Variants in KANTR observed in about 807,000 individuals in gnomAD.
KANTR encodes KDM5C adjacent transcript.
intron 2 of KANTR, among the ~76,000 whole-genome samples, chrX:53,100,576 G>A (rs1476085952): frequency 9.0e-6 from 1 of 111,445 alleles, no homozygotes; most frequent in African/African-American, 3.3e-5. Flanking sequence ...GAGGCGGGCG[G>A]GTCACAAGGT....
At chrX:53,134,421 A>G (rs1407699804) in intron 2 of KANTR, among the ~76,000 whole-genome samples, 1 of 111,175 alleles carries the variant, frequency 9.0e-6, no homozygotes, top group Non-Finnish European at 1.9e-5. Flanking sequence ...AGGTCAAGGT[A>G]GTGGTTTCTT....
At chrX:53,146,770 C>G (rs1190052342), downstream of KANTR, among the ~76,000 whole-genome samples, 2 of 110,634 alleles carry the variant, frequency 1.8e-5, no homozygotes, top group African/African-American at 6.6e-5. Context: ...AACAGCTGAT[C>G]TCTTGGCAGA....
chrX:53,124,833 G>A (rs1235927424), exon 3 of KANTR: 1 of 129,224 alleles, frequency 7.7e-6, no homozygotes, highest in Non-Finnish European at 1.5e-5. Context: ...TTATGGCTTA[G>A]TATGTGACCA....
chrX:53,143,106 G>C, downstream of KANTR: 1 of 1,174,600 alleles, frequency 8.5e-7, no homozygotes. Flanking sequence ...GGATGCCGCA[G>C]GATTCCATGC....
intron 2 of KANTR, among the ~76,000 whole-genome samples, chrX:53,108,205 ATTT>A (rs782550643): frequency 1.4e-5 from 1 of 70,309 alleles, no homozygotes. Flanking sequence ...TTTTTTCTTA[ATTT>A]TTTTTTTTTT....
At chrX:53,142,943 C>T, downstream of KANTR, 2 of 799,433 alleles carry the variant, frequency 2.5e-6, no homozygotes, top group Non-Finnish European at 3.8e-6. Context: ...TACTTGTGCT[C>T]TGGGGGCATG....
intron 2 of KANTR, among the ~76,000 whole-genome samples, chrX:53,117,444 C>A (rs1276238622): frequency 9.1e-6 from 1 of 110,319 alleles, no homozygotes; most frequent in East Asian, 2.8e-4. Context: ...CACTCCACTC[C>A]TGAAATTCCT....
chrX:53,097,617 T>C (rs1230424738), intron 1 of KANTR, among the ~76,000 whole-genome samples: 4 of 106,082 alleles, frequency 3.8e-5, no homozygotes, highest in African/African-American at 1.4e-4. Context: ...CCTCCCAAAG[T>C]GCTGGGATTA....
At chrX:53,128,692 A>G (rs781802456), downstream of KANTR, among the ~76,000 whole-genome samples, 15 of 111,102 alleles carry the variant, frequency 1.4e-4, no homozygotes, top group Non-Finnish European at 2.8e-4. Flanking sequence ...AATTAATTAT[A>G]TTCTCTTATT....
intron 2 of KANTR, among the ~76,000 whole-genome samples, chrX:53,111,224 C>T (rs933628942): frequency 9.2e-6 from 1 of 108,366 alleles, no homozygotes; most frequent in East Asian, 2.9e-4. Flanking sequence ...GCTATGTTGC[C>T]CAGGCTGGTC....
intron 2 of KANTR, among the ~76,000 whole-genome samples, chrX:53,101,996 G>A (rs1358158185): frequency 1.0e-5 from 1 of 95,982 alleles, no homozygotes; most frequent in Non-Finnish European, 2.1e-5. Context: ...GTGAAACCCT[G>A]TCTCAAAAAA....
chrX:53,108,135 C>T (rs1312538605), intron 2 of KANTR, among the ~76,000 whole-genome samples: 3 of 108,689 alleles, frequency 2.8e-5, no homozygotes, highest in Admixed American at 9.9e-5. Flanking sequence ...ATGATCTGCC[C>T]GCCTCGGCCT....
At position 53,139,220 on chromosome X, in the gene KANTR, CA is replaced by C. The variant is rs200871442; in HGVS notation, n.204-2606del. Among the ~76,000 whole-genome samples the C allele has an allele frequency of 8.4e-3, 671 of 79,679 alleles. 6 individuals carry two copies. Among genetic ancestry groups the C allele is most frequent in the African/African-American group, 0.035 (617 of 17,664 alleles). 69.2% of individuals were successfully genotyped at this position (79,679 alleles called of 115,157 possible). A position where few individuals can be genotyped will look rare whatever the true frequency, so the allele number is the denominator to read the frequency against. ...TGGGTGACAGAGCGAGACTCCGTCTCAAAAAAAAAAAAAAAAAAAAAAGGAA... is the reference window on the plus strand; with the variant it reads ...TGGGTGACAGAGCGAGACTCCGTCTCAAAAAAAAAAAAAAAAAAAAAGGAA... On this transcript the variant is annotated intron_variant and non_coding_transcript_variant, in intron 2 of 2. Coordinates refer to the KANTR transcript ENST00000366185.
chrX:53,120,745 C>T (rs782453685), intron 2 of KANTR, among the ~76,000 whole-genome samples: 4 of 110,264 alleles, frequency 3.6e-5, no homozygotes, highest in South Asian at 3.8e-4. Context: ...TTTTTGAGTT[C>T]GCATCTCGCT....
chrX:53,143,265 G>A (rs1217412243), downstream of KANTR: 2 of 604,782 alleles, frequency 3.3e-6, no homozygotes, highest in East Asian at 3.4e-5. Flanking sequence ...GAAGTCCAGG[G>A]CGATGTAGCA....
At chrX:53,117,293 C>A (rs1448424322) in intron 2 of KANTR, among the ~76,000 whole-genome samples, 1 of 110,523 alleles carries the variant, frequency 9.0e-6, no homozygotes, top group Non-Finnish European at 1.9e-5. Flanking sequence ...AACAAACAAA[C>A]AAAAAAACAA....
At chrX:53,134,584 C>T (rs782118758) in intron 2 of KANTR, among the ~76,000 whole-genome samples, 2 of 110,945 alleles carry the variant, frequency 1.8e-5, no homozygotes, top group East Asian at 5.6e-4. Context: ...ATGTTGAATA[C>T]ATTTAAAAGT....
chrX:53,109,835 C>T (rs782184984), intron 2 of KANTR, among the ~76,000 whole-genome samples: 1 of 107,790 alleles, frequency 9.3e-6, no homozygotes, highest in East Asian at 2.9e-4. Flanking sequence ...GCTCACTGCA[C>T]CCCCGTCTCC....
intron 1 of KANTR, among the ~76,000 whole-genome samples, chrX:53,098,759 T>A (rs1432797489): frequency 9.0e-6 from 1 of 110,852 alleles, no homozygotes; most frequent in Non-Finnish European, 1.9e-5. Context: ...AGGGTCTTGC[T>A]CTGTCACCCA....
Sources: gnomAD v4.1 joint callset for allele counts (sites outside exome capture counted in the v4.1 genomes callset) on GRCh38, gnomAD v4.1.1 for gene constraint, MANE v1.5 for transcripts, NCBI Gene and HGNC (gene_info 2026-07-23, HGNC 2026-07-21) for gene names.